MX1: variants seen among roughly 807,000 people sequenced by gnomAD.
MX1 encodes the protein interferon-induced GTP-binding protein Mx1.
A neutral mutation model predicts 66.4 loss-of-function variants in MX1; 66 were observed. That is an observed-to-expected ratio of 0.99 (90% CI 0.82 to 1.22). MX1 has a LOEUF of 1.22. Among genes scored for constraint, MX1 ranks in the 50% most tolerant of loss-of-function variants. The probability of loss-of-function intolerance (pLI) is 0.00; values close to 1 mark genes in which losing one functional copy is unlikely to be tolerated. For synonymous variants in MX1, 311 were observed against 318.1 expected (o/e 0.98, Z 0.24); for missense variants, 787 against 834.3 (o/e 0.94, Z 0.70).
chr21:41,454,092 G>A (rs1037445110), intron 16 of MX1, among the ~76,000 whole-genome samples: 2 of 144,324 alleles, frequency 1.4e-5, no homozygotes, highest in African/African-American at 5.3e-5. Context: ...CTCTACAGGT[G>A]CAAATTCCCC....
intron 7 of MX1, among the ~76,000 whole-genome samples, chr21:41,437,962 G>T (rs763748454): frequency 6.6e-6 from 1 of 152,256 alleles, no homozygotes; most frequent in Non-Finnish European, 1.5e-5. Context: ...TCAATTTGAA[G>T]TGTCTGCAAG....
In MX1 at chr21:41,436,989, G is replaced by A. The variant is rs781581698; in HGVS notation, c.299-26G>A. The A allele has an allele frequency of 1.8e-5, 29 of 1,612,920 alleles. No individual in the cohort carries two copies. In the Middle Eastern group the frequency reaches 5.2e-4, roughly 29 times the overall value. On this transcript the variant is annotated intron_variant, in intron 6 of 16. Transcript: ENST00000398598. Reference sequence around the variant, plus strand: ...GTAGGTCTTTTAAGAGCAAAGTGGAGCACTGATGTGGGCGTGGCCTCCTAG... The same window carrying A: ...GTAGGTCTTTTAAGAGCAAAGTGGAACACTGATGTGGGCGTGGCCTCCTAG...
At chr21:41,424,827 C>T (rs1164175751), upstream of MX1, among the ~76,000 whole-genome samples, 2 of 152,214 alleles carry the variant, frequency 1.3e-5, no homozygotes, top group African/African-American at 4.8e-5. Flanking sequence ...AAAATGGCTG[C>T]CAACCCCAAC....
At chr21:41,444,854 C>T (rs1328082763) in intron 11 of MX1, among the ~76,000 whole-genome samples, 1 of 152,130 alleles carries the variant, frequency 6.6e-6, no homozygotes, top group East Asian at 1.9e-4. Context: ...TGCCTGGCCA[C>T]TGTTACTGGG....
intron 16 of MX1, among the ~76,000 whole-genome samples, chr21:41,455,162 G>A (rs1199845687): frequency 2.0e-5 from 3 of 152,024 alleles, no homozygotes; most frequent in African/African-American, 4.8e-5. Context: ...TGCCTGCCTC[G>A]GCCTCCCAAA....
At chr21:41,446,503 C>T (rs1203853755) in intron 13 of MX1, among the ~76,000 whole-genome samples, 1 of 152,154 alleles carries the variant, frequency 6.6e-6, no homozygotes, top group Admixed American at 6.5e-5. Context: ...TGCCCTACTG[C>T]AGTCTATTAA....
At position 41,441,055 on chromosome 21, in the gene MX1, G is replaced by GTGAGACTGGGGGAGCCCGCCTGTGCTCGC; in HGVS notation, c.730+35_730+36insCTGGGGGAGCCCGCCTGTGCTCGCTGAGA. On this transcript the variant is annotated intron_variant, in intron 9 of 16. Coordinates refer to ENST00000398598, the MANE Select transcript of MX1 (RefSeq NM_002462.5). The surrounding 1 kb of genome is among the most constrained non-coding windows in gnomAD (Gnocchi z 4.0). ...GAGTGGGGGAGCCCCACTGTGCTCAGTGAGAATGGGGGAGCCCGCCTGTGC... is the reference window on the plus strand; with the variant it reads ...GAGTGGGGGAGCCCCACTGTGCTCAGTGAGACTGGGGGAGCCCGCCTGTGCTCGCTGAGAATGGGGGAGCCCGCCTGTGC... The GTGAGACTGGGGGAGCCCGCCTGTGCTCGC allele has an allele frequency of 6.6e-7, 1 of 1,504,062 alleles. No homozygotes were observed. 93.2% of individuals were successfully genotyped at this position (1,504,062 alleles called of 1,614,324 possible).
At chr21:41,437,898 A>G (rs1177000173) in intron 7 of MX1, among the ~76,000 whole-genome samples, 1 of 152,224 alleles carries the variant, frequency 6.6e-6, no homozygotes, top group Non-Finnish European at 1.5e-5. Flanking sequence ...GTGTTTGCAT[A>G]ATCCCAGCTT....
chr21:41,437,231 C>A, intron 7 of MX1, 79 bp downstream of exon 7: 1 of 1,517,508 alleles, frequency 6.6e-7, no homozygotes, highest in Non-Finnish European at 9.0e-7. Flanking sequence ...ATACTCCCAC[C>A]TCCCTGGGCC....
rs2090522455 is a variant in MX1 at position 41,441,794 on chromosome 21, A to T, written c.809A>T (p.His270Leu). 3 of 1,614,190 alleles carry T rather than the reference A, an allele frequency of 1.9e-6. No individual in the cohort carries two copies. The highest frequency in any genetic ancestry group is 2.2e-5 in the East Asian group (1 of 44,886). The change falls in exon 10 of 17, where the codon CAC (histidine) becomes CTC (leucine). Residue 270 changes from histidine (H) to leucine (L), a missense_variant. Coordinates refer to ENST00000398598, the MANE Select transcript of MX1 (RefSeq NM_002462.5). This position sits in a 1 kb window ranked among gnomAD's most constrained non-coding sequence, Gnocchi z 4.0. ...VVDVVRNLVF[H>L]LKKGYMIVKC... ...GACGTGGTGCGGAACCTCGTGTTCCACCTGAAGAAGGGTTACATGATTGTC... is the reference window on the plus strand; with the variant it reads ...GACGTGGTGCGGAACCTCGTGTTCCTCCTGAAGAAGGGTTACATGATTGTC...
rs1369146774 is a variant in MX1, at chr21:41,449,183, T to G, written c.1320T>G (p.Tyr440Ter). 1 of 1,613,668 alleles carries G rather than the reference T, an allele frequency of 6.2e-7. No homozygotes were observed. The highest frequency in any genetic ancestry group is 1.3e-5 in the African/African-American group (1 of 74,970). The change falls in exon 14 of 17, where the codon TAT becomes TAG. Residue 440 changes from tyrosine to a stop codon, truncating the protein, a stop_gained. Transcript: ENST00000398598. LOFTEE classifies it high-confidence loss of function. ...SRKIQKFENQYRGRELPGFVN... is the reference protein window; with the variant it reads ...SRKIQKFENQ The stretch of plus-strand genomic sequence containing the variant: ...AAATCCAGAAATTTGAAAATCAGTA[T>G]CGTGGTAGAGAGCTGCCAGGCTTTG...
intron 10 of MX1, among the ~76,000 whole-genome samples, chr21:41,442,938 C>T (rs978470293): frequency 5.3e-5 from 8 of 152,112 alleles, no homozygotes; most frequent in African/African-American, 1.9e-4. Context: ...GAATGATGGG[C>T]ACCAGGGGCT....
rs562127166 is a variant in MX1 at position 41,441,027 on chromosome 21, T to A, written c.730+2T>A. 2 of 1,612,138 alleles carry A rather than the reference T, an allele frequency of 1.2e-6. No individual in the cohort carries two copies. Among genetic ancestry groups the A allele is most frequent in the Non-Finnish European group, 1.7e-6 (2 of 1,179,630 alleles). ...ACCCCGAGGGAGACAGGACCATCGGTGAGAGTGGGGGAGCCCCACTGTGCT... is the reference window on the plus strand; with the variant it reads ...ACCCCGAGGGAGACAGGACCATCGGAGAGAGTGGGGGAGCCCCACTGTGCT... On this transcript the variant is annotated splice_donor_variant, in intron 9 of 16. Coordinates refer to ENST00000398598, the MANE Select transcript of MX1 (RefSeq NM_002462.5). LOFTEE classifies it high-confidence loss of function. This position sits in a 1 kb window ranked among gnomAD's most constrained non-coding sequence, Gnocchi z 4.0.
chr21:41,439,942 C>T (rs1601499009), intron 8 of MX1, 94 bp downstream of exon 8: 11 of 1,372,460 alleles, frequency 8.0e-6, no homozygotes, highest in South Asian at 2.8e-5. Context: ...TTAGAGTAAC[C>T]GTGAGTCCAG....
At chr21:41,434,566 C>T (rs2090309401) in intron 5 of MX1, among the ~76,000 whole-genome samples, 1 of 152,014 alleles carries the variant, frequency 6.6e-6, no homozygotes, top group African/African-American at 2.4e-5. Context: ...TTTTATGATT[C>T]CATCATGTCT....
intron 16 of MX1, among the ~76,000 whole-genome samples, chr21:41,454,785 CCTTA>C (rs2090919737): frequency 6.6e-6 from 1 of 152,130 alleles, no homozygotes; most frequent in Non-Finnish European, 1.5e-5. Flanking sequence ...GTCCCCATTG[CCTTA>C]CTATTTGGAT....
At chr21:41,435,719 A>G in intron 5 of MX1, 118 bp from the exon 6 acceptor site, 1 of 1,136,490 alleles carries the variant, frequency 8.8e-7, no homozygotes, top group Non-Finnish European at 1.3e-6. Flanking sequence ...CTCCCTTGAC[A>G]CGTAGGGATT....
At chr21:41,445,953 T>A (rs753594058) in intron 12 of MX1, 47 bp from the exon 13 acceptor site, 1 of 1,598,646 alleles carries the variant, frequency 6.3e-7, no homozygotes, top group East Asian at 2.2e-5. Flanking sequence ...CCTTGACACT[T>A]GGATTTGAAG....
rs768049168 is a variant in MX1 at position 41,443,808 on chromosome 21, A to C, written c.950A>C (p.Lys317Thr). Residue 317 changes from lysine (K) to threonine (T), a missense_variant, in exon 11 of 17, where the codon AAG becomes ACG. Transcript: ENST00000398598. ...TCTAGGGATCTGCTGGAGGAAGGAAAGGCCACGGTTCCCTGCCTGGCAGAA... is the reference window on the plus strand; with the variant it reads ...TCTAGGGATCTGCTGGAGGAAGGAACGGCCACGGTTCCCTGCCTGGCAGAA... ...PYFRDLLEEG[K>T]ATVPCLAEKL... is the part of the protein sequence containing the mutation. 2 of 1,614,252 alleles carry C rather than the reference A, an allele frequency of 1.2e-6. No homozygotes were observed. Among genetic ancestry groups the C allele is most frequent in the South Asian group, 2.2e-5 (2 of 91,090 alleles).
Sources: gnomAD v4.1 joint callset for allele counts (sites outside exome capture counted in the v4.1 genomes callset) on GRCh38, gnomAD v4.1.1 for gene constraint, Gnocchi (gnomAD v3.1) non-coding constraint, MANE v1.5 for transcripts, NCBI Gene and HGNC (gene_info 2026-07-23, HGNC 2026-07-21) for gene names.